SLC2A11: variants seen among roughly 807,000 people sequenced by gnomAD.
SLC2A11 encodes the protein solute carrier family 2, facilitated glucose transporter member 11.
SLC2A11 carries 43 observed loss-of-function variants against 52.1 expected under a neutral mutation model. That is an observed-to-expected ratio of 0.82 (90% CI 0.65 to 1.06). The LOEUF is 1.06. SLC2A11 is among the 50% of genes least tolerant of loss of function. The probability of loss-of-function intolerance (pLI) is 0.00; values close to 1 mark genes in which losing one functional copy is unlikely to be tolerated. For synonymous variants in SLC2A11, 261 were observed against 277.6 expected (o/e 0.94, Z 0.59); for missense variants, 582 against 654.2 (o/e 0.89, Z 1.20).
chr22:23,883,177 G>A (rs1352148888), intron 8 of SLC2A11: 7 of 427,780 alleles, frequency 1.6e-5, no homozygotes, highest in Middle Eastern at 1.5e-3. Context: ...CAGGAGAATC[G>A]CATGAACCCA....
At chr22:23,865,089 A>G (rs2032208510) in intron 2 of SLC2A11, among the ~76,000 whole-genome samples, 1 of 127,518 alleles carries the variant, frequency 7.8e-6, no homozygotes, top group Admixed American at 9.0e-5. Flanking sequence ...CCTGGGCGAC[A>G]GGGAGACTCC....
intron 8 of SLC2A11, chr22:23,883,397 G>A (rs1196656038): frequency 9.0e-6 from 3 of 334,348 alleles, no homozygotes; most frequent in Non-Finnish European, 1.7e-5. Context: ...CTTGAGCCTA[G>A]GAGGTTGAGA....
At chr22:23,866,473 C>T (rs1022676420) in intron 2 of SLC2A11, 2 of 169,338 alleles carry the variant, frequency 1.2e-5, no homozygotes, top group African/African-American at 4.8e-5. Context: ...GTGTCCATGT[C>T]TTCCTCATGT....
At position 23,862,054 on chromosome 22, in the gene SLC2A11, G is replaced by A. The variant is rs774359574; in HGVS notation, c.31-50G>A. ...GTGATTGGCAGCTCTGGTCCAGGGA[G>A]GGGGTGGAGGCTGTTGTTGGTCACT... On this transcript the variant is annotated intron_variant, in intron 1 of 11. Coordinates refer to ENST00000316185, the MANE Select transcript of SLC2A11 (RefSeq NM_001024939.4). 3.4e-6 allele frequency: 5 copies of A among 1,464,624 alleles called. No homozygotes were observed. The African/African-American group carries it at 4.2e-5, about 12-fold the overall frequency. 90.7% of individuals were successfully genotyped at this position (1,464,624 alleles called of 1,614,324 possible).
intron 2 of SLC2A11, among the ~76,000 whole-genome samples, chr22:23,863,932 GGCCTTGTTTTCA>G (rs1391062011): frequency 1.3e-4 from 20 of 152,044 alleles, no homozygotes; most frequent in Admixed American, 1.3e-3. Context: ...TGCCCAGCTT[GGCCTTGTTTTCA>G]TACCCAGATG....
chr22:23,882,551 C>A lies in SLC2A11; in HGVS notation c.787C>A (p.Arg263Ser). The A allele has an allele frequency of 6.2e-7, 1 of 1,610,572 alleles. No individual in the cohort carries two copies. Among genetic ancestry groups the A allele is most frequent in the Non-Finnish European group, 8.5e-7 (1 of 1,178,792 alleles). ...RAACQGCRAR[R>S]PWELFQHRAL... is the part of the protein sequence containing the mutation. ...TGCCTGCCAGGGCTGCCGTGCCCGG[C>A]GCCCATGGGAGCTGTTCCAGCATCG... The change falls in exon 7 of 12, where the codon CGC becomes AGC. Residue 263 changes from arginine to serine, a missense_variant. Transcript: ENST00000316185.
intron 1 of SLC2A11, among the ~76,000 whole-genome samples, chr22:23,860,373 C>T (rs1258210671): frequency 1.3e-5 from 2 of 152,040 alleles, no homozygotes; most frequent in Non-Finnish European, 2.9e-5. Flanking sequence ...AAGATTGCGA[C>T]ACTGCACTCC....
chr22:23,864,415 G>A (rs2032186970), intron 2 of SLC2A11, among the ~76,000 whole-genome samples: 1 of 152,142 alleles, frequency 6.6e-6, no homozygotes, highest in African/African-American at 2.4e-5. Context: ...TCCACCTCCT[G>A]GGTTCAAGCG....
At chr22:23,857,718 G>T (rs186593702), upstream of SLC2A11, 3 of 756,658 alleles carry the variant, frequency 4.0e-6, no homozygotes, top group Non-Finnish European at 4.8e-6. Context: ...GCTTCACTGC[G>T]CCTGAGCTTG....
intron 6 of SLC2A11, 66 bp downstream of exon 6, chr22:23,877,935 G>A (rs558690362): frequency 2.5e-5 from 37 of 1,497,440 alleles, no homozygotes; most frequent in East Asian, 1.2e-4. Context: ...CAGAGTATAC[G>A]GGTCCCCATT....
upstream of SLC2A11, chr22:23,857,790 G>A (rs1016023574): frequency 1.8e-5 from 26 of 1,442,502 alleles, no homozygotes; most frequent in African/African-American, 3.3e-4. Context: ...TGGTGCGGCC[G>A]CTCTCAATAC....
At chr22:23,876,933 C>A in intron 4 of SLC2A11, 109 bp from the exon 5 acceptor site, 1 of 1,559,486 alleles carries the variant, frequency 6.4e-7, no homozygotes, top group Admixed American at 1.7e-5. Flanking sequence ...GTGCCAGGAT[C>A]CAGTTGAGTG....
upstream of SLC2A11, chr22:23,857,232 C>T: frequency 1.4e-6 from 1 of 731,152 alleles, no homozygotes; most frequent in African/African-American, 1.8e-5. Flanking sequence ...GTCAGACCAG[C>T]GAGAGACAGA....
chr22:23,858,139 T>G, intron 1 of SLC2A11, 110 bp downstream of exon 1: 1 of 1,429,008 alleles, frequency 7.0e-7, no homozygotes, highest in Middle Eastern at 1.8e-4. Context: ...TCGTCAAATG[T>G]TCAAAAATAT....
Position 23,860,498 on chromosome 22 carries a change from G to A in SLC2A11, c.31-1606G>A, listed in dbSNP as rs368372800. On this transcript the variant is annotated intron_variant, in intron 1 of 11. Coordinates refer to ENST00000316185, the MANE Select transcript of SLC2A11 (RefSeq NM_001024939.4). Reference sequence around the variant, plus strand: ...ACGACCTCAACTACAGGTCGGGTGCGGTGGCTCACGTCTGTAATCTCAGCA... The same window carrying A: ...ACGACCTCAACTACAGGTCGGGTGCAGTGGCTCACGTCTGTAATCTCAGCA... 2.9e-4 allele frequency among the ~76,000 whole-genome samples: 44 copies of A among 152,196 alleles called. No homozygotes were observed. The South Asian group carries it at 7.0e-3, about 24-fold the overall frequency.
chr22:23,857,582 C>CCT, upstream of SLC2A11: 1 of 1,482,200 alleles, frequency 6.7e-7, no homozygotes, highest in Middle Eastern at 2.2e-4. Context: ...CCCAAACCCC[C>CCT]CCCCCGCGGC....
Position 23,857,887 on chromosome 22 carries a change from T to C in SLC2A11, c.-113T>C, listed in dbSNP as rs2031909316. 2 of 1,557,926 alleles carry C rather than the reference T, an allele frequency of 1.3e-6. No individual in the cohort carries two copies. The highest frequency in any genetic ancestry group is 1.9e-5 in the Admixed American group (1 of 53,752). ...CGTGCGCTAGCGCCTCTTTCACCAC[T>C]GGGCGCTGCGCGCTGCCCTTCCCTC... On this transcript the variant is annotated 5_prime_UTR_variant, in exon 1 of 12. Coordinates refer to ENST00000316185, the MANE Select transcript of SLC2A11 (RefSeq NM_001024939.4).
At chr22:23,883,690 T>A in intron 8 of SLC2A11, 82 bp from the exon 9 acceptor site, 1 of 1,192,258 alleles carries the variant, frequency 8.4e-7, no homozygotes, top group Admixed American at 2.8e-5. Flanking sequence ...ACCAGCTTTC[T>A]CAGGAGACCC....
Position 23,883,815 on chromosome 22 carries a change from G to C in SLC2A11, c.1037G>C (p.Gly346Ala). Residue 346 changes from glycine to alanine, a missense_variant, in exon 9 of 12, where the codon GGT (glycine) becomes GCT (alanine). Physicochemically the swap from Gly to Ala is moderately conservative, Grantham distance 60 (BLOSUM62 0). Coordinates refer to ENST00000316185, the MANE Select transcript of SLC2A11 (RefSeq NM_001024939.4). Reference protein sequence around the residue: ...ERVGRRVLLIGGYSLMTCWGS... With the variant: ...ERVGRRVLLIAGYSLMTCWGS... ...GTGGGTCGGCGCGTGCTGCTCATCG[G>C]TGGGTACAGCCTGATGACCTGCTGG... The C allele has an allele frequency of 1.3e-6, 2 of 1,566,796 alleles. No individual in the cohort carries two copies. The highest frequency in any genetic ancestry group is 1.4e-5 in the African/African-American group (1 of 72,266).
Sources: allele counts gnomAD v4.1 joint callset (sites outside exome capture counted in the v4.1 genomes callset), GRCh38; gene constraint gnomAD v4.1.1; transcripts MANE v1.5; gene names NCBI Gene and HGNC (gene_info 2026-07-23, HGNC 2026-07-21).